TTC7B: variants seen among roughly 807,000 people sequenced by gnomAD.
TTC7B encodes the protein tetratricopeptide repeat domain 7B.
Under a neutral mutation model 106.8 loss-of-function variants are expected in TTC7B, and 28 were observed. The observed-to-expected ratio is 0.26, with a 90% CI of 0.19 to 0.36. TTC7B has a LOEUF of 0.36. TTC7B is among the 10% of genes least tolerant of loss of function. The probability of loss-of-function intolerance (pLI) is 1.00; values close to 1 mark genes in which losing one functional copy is unlikely to be tolerated. For missense variants in TTC7B, 862 were observed against 1,076.4 expected (o/e 0.80, Z 2.79); for synonymous variants, 405 against 430.6 (o/e 0.94, Z 0.74).
chr14:90,736,627 G>GT (rs1159435944), intron 4 of TTC7B, among the ~76,000 whole-genome samples: 1 of 152,018 alleles, frequency 6.6e-6, no homozygotes, highest in Non-Finnish European at 1.5e-5. Flanking sequence ...GCTTATGCAT[G>GT]TAATCACAGT....
chr14:90,741,711 C>T (rs1425097388), intron 4 of TTC7B, among the ~76,000 whole-genome samples: 1 of 152,196 alleles, frequency 6.6e-6, no homozygotes. Flanking sequence ...TTGCATAACA[C>T]ACAACTATCT....
At position 90,539,164 on chromosome 14, in the gene TTC7B, G is replaced by A. The variant is rs1889493451; in HGVS notation, c.*2204C>T. The A allele has an allele frequency of 6.6e-6, 1 of 152,372 alleles. No homozygotes were observed. Among genetic ancestry groups the A allele is most frequent in the Admixed American group, 6.5e-5 (1 of 15,290 alleles). The allele number at this position is 152,372 out of a possible 1,614,324, so 9.4% of individuals were successfully genotyped here. On this transcript the variant is annotated 3_prime_UTR_variant, in exon 20 of 20. Transcript: ENST00000328459. ...CATGTGTCCATCCTTGAGCCATGTGGGTGGAGAGTGGGGGTGGTTCCCTGA... is the reference window on the plus strand; with the variant it reads ...CATGTGTCCATCCTTGAGCCATGTGAGTGGAGAGTGGGGGTGGTTCCCTGA...
intron 19 of TTC7B, among the ~76,000 whole-genome samples, chr14:90,546,830 G>A (rs1253773381): frequency 6.6e-6 from 1 of 152,242 alleles, no homozygotes; most frequent in Non-Finnish European, 1.5e-5. Context: ...TCGGGGTCCA[G>A]TGCAAATCAC....
At chr14:90,660,756 T>C (rs1886169673) in intron 9 of TTC7B, among the ~76,000 whole-genome samples, 1 of 152,198 alleles carries the variant, frequency 6.6e-6, no homozygotes, top group Non-Finnish European at 1.5e-5. Context: ...TTAAATGATA[T>C]ATACAGAGGT....
rs2140041171 is a variant in TTC7B at position 90,786,315 on chromosome 14, C to T, written c.135G>A (p.Glu45=). The change falls in exon 2 of 20, where the codon GAG becomes GAA. Residue 45 remains glutamate, a synonymous_variant. Transcript: ENST00000328459. The part of the protein sequence containing the change: ...AKLIANDDMA[E]LLLGESKLEQ... ...CCAGCTTCGACTCCCCGAGGAGAAG[C>T]TCTGCCATGTCATCTACAAAAACAA... The T allele has an allele frequency of 6.2e-7, 1 of 1,613,436 alleles. No individual in the cohort carries two copies. Among genetic ancestry groups the T allele is most frequent in the South Asian group, 1.1e-5 (1 of 91,066 alleles).
chr14:90,672,903 T>G (rs944587665), intron 9 of TTC7B, among the ~76,000 whole-genome samples: 5 of 152,208 alleles, frequency 3.3e-5, no homozygotes, highest in Non-Finnish European at 5.9e-5. Context: ...TTACATGGAT[T>G]AATGAATATG....
intron 19 of TTC7B, among the ~76,000 whole-genome samples, chr14:90,553,032 G>A (rs1268621431): frequency 6.6e-6 from 1 of 152,212 alleles, no homozygotes. Context: ...GGGCAGGGAC[G>A]GGGCCTGTGG....
chr14:90,708,190 G>T (rs1182199848), intron 5 of TTC7B, among the ~76,000 whole-genome samples: 2 of 149,508 alleles, frequency 1.3e-5, no homozygotes, highest in Non-Finnish European at 3.0e-5. Context: ...GAAGCAGCAA[G>T]TGTTGATATA....
At chr14:90,796,945 A>G (rs1256514643) in intron 1 of TTC7B, among the ~76,000 whole-genome samples, 1 of 151,124 alleles carries the variant, frequency 6.6e-6, no homozygotes, top group African/African-American at 2.4e-5. Context: ...TCCCAGGCTC[A>G]AGCAATTCTC....
At chr14:90,587,100 C>T (rs541651533) in intron 18 of TTC7B, among the ~76,000 whole-genome samples, 3 of 152,286 alleles carry the variant, frequency 2.0e-5, no homozygotes, top group South Asian at 2.1e-4. Context: ...GCTCTGCCGG[C>T]GTCCACTTTG....
At chr14:90,769,741 C>A (rs1890800905) in intron 3 of TTC7B, among the ~76,000 whole-genome samples, 1 of 152,036 alleles carries the variant, frequency 6.6e-6, no homozygotes, top group Non-Finnish European at 1.5e-5. Context: ...TGTGCTGCAG[C>A]CTGGATGACA....
Position 90,644,162 on chromosome 14 carries a change from C to G in TTC7B, c.1637G>C (p.Gly546Ala). 1.2e-6 allele frequency: 2 copies of G among 1,613,056 alleles called. No homozygotes were observed. The highest frequency in any genetic ancestry group is 1.7e-6 in the Non-Finnish European group (2 of 1,179,628). The change falls in exon 15 of 20, where the codon GGT becomes GCT. Residue 546 changes from glycine (G) to alanine (A), a missense_variant. Gly to Ala is a moderately conservative substitution (Grantham distance 60). Transcript: ENST00000328459. Reference protein sequence around the residue: ...GYVRQALQLQGDDANSLHLLA... With the variant: ...GYVRQALQLQADDANSLHLLA... ...GAGGTGCAGGGAGTTGGCATCGTCACCTTGAAGCTGAAGAGCTTGGCGGAC... is the reference window on the plus strand; with the variant it reads ...GAGGTGCAGGGAGTTGGCATCGTCAGCTTGAAGCTGAAGAGCTTGGCGGAC...
chr14:90,572,447 C>T lies in TTC7B; in HGVS notation c.2310+5659G>A, dbSNP rs191397970. Among the ~76,000 whole-genome samples, 21 of 152,326 alleles carry T rather than the reference C, an allele frequency of 1.4e-4. No individual in the cohort carries two copies. The East Asian group carries it at 2.5e-3, about 18-fold the overall frequency. ...ACCTACCATCAATCTGCCGCACCTTCGGGTATTTCATAAGAAAATGCATTT... is the reference window on the plus strand; with the variant it reads ...ACCTACCATCAATCTGCCGCACCTTTGGGTATTTCATAAGAAAATGCATTT... On this transcript the variant is annotated intron_variant, in intron 19 of 19. Transcript: ENST00000328459.
In TTC7B at chr14:90,709,955, T is replaced by C. The variant is rs1379001285; in HGVS notation, c.699-14377A>G. 2.8e-5 allele frequency among the ~76,000 whole-genome samples: 3 copies of C among 105,932 alleles called. No homozygotes were observed. The East Asian group carries it at 7.7e-4, about 27-fold the overall frequency. 69.5% of individuals were successfully genotyped at this position (105,932 alleles called of 152,430 possible). On this transcript the variant is annotated intron_variant, in intron 5 of 19. Coordinates refer to ENST00000328459, the MANE Select transcript of TTC7B (RefSeq NM_001010854.2). ...TGCATTTTTATAGTTTCTCTTTCGT[T>C]AAAAAAAAAAAAACCTTATGTGCCA... is the stretch of plus-strand genomic sequence containing the variant.
chr14:90,570,611 C>T lies in TTC7B; in HGVS notation c.2310+7495G>A, dbSNP rs991687928. 1.3e-5 allele frequency among the ~76,000 whole-genome samples: 2 copies of T among 152,112 alleles called. No homozygotes were observed. Among genetic ancestry groups the T allele is most frequent in the African/African-American group, 4.8e-5 (2 of 41,402 alleles). ...CACGCACCGAGATATATTCTCATTT[C>T]GGCTCCTCCAACCAGTGAAAGTCAG... On this transcript the variant is annotated intron_variant, in intron 19 of 19. Transcript: ENST00000328459. The surrounding 1 kb of genome is among the most constrained non-coding windows in gnomAD (Gnocchi z 4.0).
intron 3 of TTC7B, among the ~76,000 whole-genome samples, chr14:90,745,289 C>T (rs1889918996): frequency 9.1e-6 from 1 of 109,804 alleles, no homozygotes; most frequent in African/African-American, 3.8e-5. Context: ...GATGGAGACC[C>T]TGTCTCCCAA....
chr14:90,630,828 C>CTTG (rs1884665500), intron 15 of TTC7B, among the ~76,000 whole-genome samples: 1 of 146,834 alleles, frequency 6.8e-6, no homozygotes, highest in African/African-American at 2.5e-5. Flanking sequence ...GTCCTTCTAT[C>CTTG]TTGTTTTTTG....
intron 17 of TTC7B, among the ~76,000 whole-genome samples, chr14:90,607,651 A>G (rs1250703768): frequency 6.6e-6 from 1 of 152,232 alleles, no homozygotes; most frequent in East Asian, 1.9e-4. Context: ...TCAAAGGCAA[A>G]GGGAGGAAAA....
At chr14:90,658,869 C>T (rs1886063504) in intron 9 of TTC7B, among the ~76,000 whole-genome samples, 1 of 152,178 alleles carries the variant, frequency 6.6e-6, no homozygotes, top group Non-Finnish European at 1.5e-5. Flanking sequence ...CATTGCCTGC[C>T]GTGGTGAGTA....
Sources: gnomAD v4.1 joint callset for allele counts (sites outside exome capture counted in the v4.1 genomes callset) on GRCh38, gnomAD v4.1.1 for gene constraint, Gnocchi (gnomAD v3.1) non-coding constraint, MANE v1.5 for transcripts, NCBI Gene and HGNC (gene_info 2026-07-23, HGNC 2026-07-21) for gene names.